The following CEP295 variants were observed in gnomAD, a reference collection of about 807,000 sequenced individuals.
CEP295 encodes centrosomal protein of 295 kDa.
CEP295 carries 190 observed loss-of-function variants against 291.6 expected under a neutral mutation model. The observed-to-expected ratio is 0.65, with a 90% CI of 0.58 to 0.73. The LOEUF (loss-of-function observed/expected upper bound fraction) is 0.73. CEP295 is among the 30% of genes least tolerant of loss of function. The pLI is 0.00. For missense variants in CEP295, 2,863 were observed against 2,949.4 expected, an observed-to-expected ratio of 0.97 and a Z score of 0.68; for synonymous variants, 993 against 1,038.8, an observed-to-expected ratio of 0.96 and a Z score of 0.85.
chr11:93,719,794 T>G (rs1953562432), intron 18 of CEP295: 1 of 152,138 alleles, frequency 6.6e-6, no homozygotes, highest in Non-Finnish European at 1.5e-5. Flanking sequence ...CCTTCTAATA[T>G]CACTGAGATT....
chr11:93,716,770 C>T (rs966209506), intron 18 of CEP295, among the ~76,000 whole-genome samples: 1 of 152,232 alleles, frequency 6.6e-6, no homozygotes, highest in African/African-American at 2.4e-5. Flanking sequence ...ATGACCATCG[C>T]TGTGCAACCC....
rs759200565 is a variant in CEP295 at position 93,698,118 on chromosome 11, A to T, written c.3206A>T (p.Asp1069Val). 1 of 1,552,216 alleles carries T rather than the reference A, an allele frequency of 6.4e-7. No individual in the cohort carries two copies. The highest frequency in any genetic ancestry group is 2.0e-5 in the Admixed American group (1 of 51,010). The change falls in exon 15 of 30, where the codon GAT becomes GTT. Residue 1069 changes from aspartate (D) to valine (V), a missense_variant. Asp to Val is a radical substitution (Grantham distance 152). Around this residue, in one of 3 missense-constraint regions of CEP295, gnomAD observed 2,295 missense variants for 2,335.7 expected, o/e 0.98. Coordinates refer to ENST00000325212, the MANE Select transcript of CEP295 (RefSeq NM_033395.2). ...CAAGAACAGTTGACTAAACAGAGGGATACTCTTCAGGCTAGGCATGAAGCT... is the reference window on the plus strand; with the variant it reads ...CAAGAACAGTTGACTAAACAGAGGGTTACTCTTCAGGCTAGGCATGAAGCT... ...LLQEQLTKQR[D>V]TLQARHEAQV...
At chr11:93,726,648 CAT>C (rs1227061009) in intron 23 of CEP295, 3 of 188,282 alleles carry the variant, frequency 1.6e-5, no homozygotes, top group African/African-American at 7.1e-5. Flanking sequence ...TATATACACA[CAT>C]GGATAATTGA....
In CEP295 at chr11:93,687,704, A is replaced by T; in HGVS notation, c.1175A>T (p.Asn392Ile). Reference sequence around the variant, plus strand: ...AAAGTTCTTTTTAAAAAATTATTAAATAAGATCCGAAGCCAAAAATCTCTC... The same window carrying T: ...AAAGTTCTTTTTAAAAAATTATTAATTAAGATCCGAAGCCAAAAATCTCTC... ...PSKVLFKKLL[N>I]KIRSQKSLWT... Residue 392 changes from asparagine to isoleucine, a missense_variant, in exon 10 of 30, where the codon AAT (asparagine) becomes ATT (isoleucine). Physicochemically the swap from Asn to Ile is moderately radical, Grantham distance 149. This residue lies in a region of CEP295 where 554 missense variants were observed against 576.0 expected (regional missense o/e 0.96). Transcript: ENST00000325212. The T allele has an allele frequency of 6.5e-7, 1 of 1,547,054 alleles. No individual in the cohort carries two copies.
At chr11:93,690,174 G>T (rs916027632) in intron 10 of CEP295, among the ~76,000 whole-genome samples, 1 of 152,238 alleles carries the variant, frequency 6.6e-6, no homozygotes, top group African/African-American at 2.4e-5. Context: ...CACTTTGGGA[G>T]GCCCAGGCGG....
rs181766807 is a variant in CEP295 at position 93,684,138 on chromosome 11, C to A, written c.1114+10C>A. On this transcript the variant is annotated intron_variant, in intron 9 of 29. Coordinates refer to ENST00000325212, the MANE Select transcript of CEP295 (RefSeq NM_033395.2). ...TCTAGTGAAACAGATGGTAAAAACC[C>A]TTCTGAGCTAAATATTACAGTATTT... The A allele has an allele frequency of 1.8e-5, 28 of 1,548,126 alleles. No individual in the cohort carries two copies. The African/African-American group carries it at 2.6e-4, about 14-fold the overall frequency.
At chr11:93,717,378 G>T (rs1953345723) in intron 18 of CEP295, among the ~76,000 whole-genome samples, 1 of 152,222 alleles carries the variant, frequency 6.6e-6, no homozygotes, top group African/African-American at 2.4e-5. Context: ...CGTCTGACCT[G>T]TTGCGGTGAG....
intron 5 of CEP295, among the ~76,000 whole-genome samples, chr11:93,672,056 A>G (rs972025146): frequency 6.6e-6 from 1 of 152,200 alleles, no homozygotes; most frequent in Admixed American, 6.5e-5. Flanking sequence ...TGCATGTTAG[A>G]TATTTCCATT....
rs1319645738 is a variant in CEP295, at chr11:93,729,733, GTC to G, written c.7523_7524del (p.Ser2508Ter). 1.3e-6 allele frequency: 2 copies of G among 1,549,746 alleles called. No individual in the cohort carries two copies. Among genetic ancestry groups the G allele is most frequent in the African/African-American group, 1.4e-5 (1 of 73,042 alleles). ...GAAAGAAATAAGGAATAAAATTCATGTCTCTGAAAATTCTCAAATCAAAACAG... is the reference window on the plus strand; with the variant it reads ...GAAAGAAATAAGGAATAAAATTCATGTCTGAAAATTCTCAAATCAAAACAG... ...RQKEIRNKIH[V>X]SENSQIKTVK... On this transcript the variant is annotated frameshift_variant, in exon 27 of 30. Coordinates refer to ENST00000325212, the MANE Select transcript of CEP295 (RefSeq NM_033395.2). LOFTEE classifies it high-confidence loss of function.
At chr11:93,700,298 C>A in intron 15 of CEP295, 112 bp downstream of exon 15, 2 of 987,064 alleles carry the variant, frequency 2.0e-6, no homozygotes, top group Non-Finnish European at 2.9e-6. Flanking sequence ...TTGACCTTAA[C>A]TGTGCTTTGA....
chr11:93,725,581 C>T, intron 22 of CEP295, 70 bp from the exon 23 acceptor site: 1 of 1,242,594 alleles, frequency 8.0e-7, no homozygotes, highest in Non-Finnish European at 1.1e-6. Flanking sequence ...ACCAAAGGAA[C>T]ACAATGATTA....
intron 2 of CEP295, 62 bp from the exon 3 acceptor site, chr11:93,667,545 G>C (rs1025100803): frequency 1.3e-5 from 16 of 1,226,558 alleles, no homozygotes; most frequent in Non-Finnish European, 1.8e-5. Context: ...TTTCCAAATA[G>C]CTTTTCAAAA....
intron 5 of CEP295, among the ~76,000 whole-genome samples, chr11:93,671,820 T>A (rs1950464264): frequency 6.6e-6 from 1 of 152,150 alleles, no homozygotes; most frequent in Non-Finnish European, 1.5e-5. Flanking sequence ...TAGATGCATC[T>A]GTATCACTGT....
intron 12 of CEP295, among the ~76,000 whole-genome samples, chr11:93,694,452 TC>T (rs765541492): frequency 6.6e-6 from 1 of 152,228 alleles, no homozygotes; most frequent in Non-Finnish European, 1.5e-5. Context: ...TAATTTTTTT[TC>T]TTTCCTTATT....
chr11:93,730,336 T>C lies in CEP295; in HGVS notation c.*67T>C. 8.7e-7 allele frequency: 1 copy of C among 1,145,630 alleles called. No homozygotes were observed. The highest frequency in any genetic ancestry group is 1.5e-5 in the African/African-American group (1 of 64,720). 71.0% of individuals were successfully genotyped at this position (1,145,630 alleles called of 1,614,324 possible). A position where few individuals can be genotyped will look rare whatever the true frequency, so the allele number is the denominator to read the frequency against. ...TAGCATTAGACAAAATTATTTAAAG[T>C]CAATAAATTGTTATTCGAGGAATTC... On this transcript the variant is annotated 3_prime_UTR_variant, in exon 30 of 30. Transcript: ENST00000325212.
chr11:93,674,450 TA>T (rs1340384128), intron 5 of CEP295, among the ~76,000 whole-genome samples: 4 of 152,198 alleles, frequency 2.6e-5, no homozygotes, highest in Non-Finnish European at 5.9e-5. Flanking sequence ...CTTGTAGTCC[TA>T]GCTATGGTAG....
chr11:93,700,358 C>T (rs974822425), intron 15 of CEP295, among the ~76,000 whole-genome samples, 172 bp downstream of exon 15: 1 of 151,778 alleles, frequency 6.6e-6, no homozygotes, highest in Middle Eastern at 3.2e-3. Flanking sequence ...GATCCACCCA[C>T]ATGGTGTTTA....
rs948216659 is a variant in CEP295 at position 93,728,911 on chromosome 11, G to A, written c.7302+90G>A. 5.1e-6 allele frequency: 6 copies of A among 1,186,466 alleles called. No homozygotes were observed. The African/African-American group carries it at 7.8e-5, about 15-fold the overall frequency. 73.5% of individuals were successfully genotyped at this position (1,186,466 alleles called of 1,614,324 possible). On this transcript the variant is annotated intron_variant, in intron 25 of 29. Coordinates refer to ENST00000325212, the MANE Select transcript of CEP295 (RefSeq NM_033395.2). ...ACTTATCAGAAGGTACTCATTGGAG[G>A]GAATTATGCTATGCATTTAACTAAG...
chr11:93,677,213 C>T (rs1950738557), intron 6 of CEP295, among the ~76,000 whole-genome samples: 1 of 152,106 alleles, frequency 6.6e-6, no homozygotes, highest in African/African-American at 2.4e-5. Flanking sequence ...ATAATTTTAG[C>T]ATCTTCCCTG....
Sources: gnomAD v4.1 joint callset for allele counts (sites outside exome capture counted in the v4.1 genomes callset) on GRCh38, gnomAD v4.1.1 for gene constraint, gnomAD v4.1.1 regional missense constraint, MANE v1.5 for transcripts, NCBI Gene and HGNC (gene_info 2026-07-23, HGNC 2026-07-21) for gene names.